Variants in CHCHD1 observed in about 807,000 individuals in gnomAD.
The protein encoded by CHCHD1 is small ribosomal subunit protein mS37.
In CHCHD1, 12 loss-of-function variants were observed where a neutral mutation model predicts 12.7. The ratio of observed to expected loss-of-function variants is 0.95; its 90% confidence interval spans 0.61 to 1.53. CHCHD1 has a LOEUF of 1.53. Among genes scored for constraint, CHCHD1 ranks in the 40% most tolerant of loss-of-function variants. The pLI, the probability that CHCHD1 is intolerant of heterozygous loss-of-function variation, is 0.00. For synonymous variants in CHCHD1, 57 were observed against 62.4 expected (o/e 0.91, Z 0.41); for missense variants, 151 against 155.8 (o/e 0.97, Z 0.17).
At chr10:73,782,660 C>T in intron 2 of CHCHD1, 1 of 1,191,468 alleles carries the variant, frequency 8.4e-7, no homozygotes, top group Non-Finnish European at 1.1e-6. Context: ...ATGAGGCTAA[C>T]CAATACCACC....
chr10:73,783,397 G>GTA lies in CHCHD1; in HGVS notation c.*211_*212dup, dbSNP rs2083112448. The GTA allele has an allele frequency of 2.0e-6, 1 of 508,894 alleles. No individual in the cohort carries two copies. The highest frequency in any genetic ancestry group is 1.9e-5 in the African/African-American group (1 of 51,728). The allele number at this position is 508,894 out of a possible 1,614,324, so 31.5% of individuals were successfully genotyped here. ...AACTTGGCCTTTTGTTGTGAATTAG[G>GTA]TACTCTCTTCATTCTTGAGCCTCCC... On this transcript the variant is annotated 3_prime_UTR_variant, in exon 3 of 3. Transcript: ENST00000372833.
Position 73,782,323 on chromosome 10 carries a change from A to G in CHCHD1, c.125A>G (p.Glu42Gly). 6.2e-7 allele frequency: 1 copy of G among 1,613,748 alleles called. No homozygotes were observed. The highest frequency in any genetic ancestry group is 8.5e-7 in the Non-Finnish European group (1 of 1,179,722). The stretch of plus-strand genomic sequence containing the variant: ...AGGTCCCCCGGATCTGCCCCTCCAG[A>G]GGCGACTTGCATCACGGAGATGTCG... ...RVGERRREKGEATCITEMSVM... is the reference protein window; with the variant it reads ...RVGERRREKGGATCITEMSVM... Residue 42 changes from glutamate (E) to glycine (G), a missense_variant and splice_region_variant, in exon 2 of 3, where the codon GAG becomes GGG. Glu to Gly is a moderately conservative substitution (Grantham distance 98). Coordinates refer to ENST00000372833, the MANE Select transcript of CHCHD1 (RefSeq NM_203298.3).
intron 2 of CHCHD1, chr10:73,782,831 G>T (rs771653324): frequency 3.4e-4 from 192 of 566,084 alleles, no homozygotes; most frequent in Non-Finnish European, 5.1e-4. Flanking sequence ...TTAATTGTTA[G>T]CTGAGATAGT....
rs1470619633 is a variant in CHCHD1, at chr10:73,782,461, G to T, written c.243+20G>T. 2 of 1,613,932 alleles carry T rather than the reference G, an allele frequency of 1.2e-6. No individual in the cohort carries two copies. The highest frequency in any genetic ancestry group is 1.7e-6 in the Non-Finnish European group (2 of 1,179,932). ...GCTCAGGTGACCGATGGCTCCTGGG[G>T]TGCTTTCTCAGGAAAAGAATGGGGG... On this transcript the variant is annotated intron_variant, in intron 2 of 2. Transcript: ENST00000372833.
chr10:73,783,208 T>G lies in CHCHD1; in HGVS notation c.*21T>G, dbSNP rs2083111672. 6.5e-7 allele frequency: 1 copy of G among 1,547,272 alleles called. No homozygotes were observed. The highest frequency in any genetic ancestry group is 1.7e-5 in the Admixed American group (1 of 59,682). On this transcript the variant is annotated 3_prime_UTR_variant, in exon 3 of 3. Coordinates refer to ENST00000372833, the MANE Select transcript of CHCHD1 (RefSeq NM_203298.3). ...GCTGAAAATGGACAAGTATTTTCAA[T>G]GACTGAAATATAGCTTCTGACAACT...
intron 2 of CHCHD1, 57 bp downstream of exon 2, chr10:73,782,498 A>G (rs756716418): frequency 2.5e-6 from 4 of 1,608,418 alleles, no homozygotes; most frequent in Admixed American, 3.4e-5. Context: ...GATAGAAGTA[A>G]TGATTCTCCC....
In CHCHD1 at chr10:73,783,090, G is replaced by A; in HGVS notation, c.260G>A (p.Arg87Lys). Residue 87 changes from arginine to lysine, a missense_variant, in exon 3 of 3, where the codon AGA becomes AAA. Coordinates refer to ENST00000372833, the MANE Select transcript of CHCHD1 (RefSeq NM_203298.3). ...AARAQEARKM[R>K]SIQETLGESG... ...TGTTTTCAGGAAGCCCGAAAGATGA[G>A]ATCAATACAGGAAACCCTGGGAGAG... The A allele has an allele frequency of 8.7e-6, 14 of 1,613,382 alleles. No homozygotes were observed. The highest frequency in any genetic ancestry group is 1.2e-5 in the Non-Finnish European group (14 of 1,179,702).
chr10:73,782,071 G>A lies in CHCHD1; in HGVS notation c.-5G>A. 6.2e-7 allele frequency: 1 copy of A among 1,612,858 alleles called. No individual in the cohort carries two copies. Among genetic ancestry groups the A allele is most frequent in the Non-Finnish European group, 8.5e-7 (1 of 1,179,826 alleles). On this transcript the variant is annotated 5_prime_UTR_variant, in exon 1 of 3. Coordinates refer to ENST00000372833, the MANE Select transcript of CHCHD1 (RefSeq NM_203298.3). ...CCGCAAAGCCTGCCGGGAGCTTGGT[G>A]CGCTATGGCGACACCCAGCCTGCGG...
In CHCHD1 at chr10:73,782,443, T is replaced by G; in HGVS notation, c.243+2T>G. 6.2e-7 allele frequency: 1 copy of G among 1,614,186 alleles called. No individual in the cohort carries two copies. The highest frequency in any genetic ancestry group is 8.5e-7 in the Non-Finnish European group (1 of 1,180,016). Reference sequence around the variant, plus strand: ...CTCGATTGTGCCGCGAGGGCTCAGGTGACCGATGGCTCCTGGGGTGCTTTC... The same window carrying G: ...CTCGATTGTGCCGCGAGGGCTCAGGGGACCGATGGCTCCTGGGGTGCTTTC... On this transcript the variant is annotated splice_donor_variant, in intron 2 of 2. Transcript: ENST00000372833. LOFTEE classifies it high-confidence loss of function.
chr10:73,783,098 C>T lies in CHCHD1; in HGVS notation c.268C>T (p.Gln90Ter). ...GGAAGCCCGAAAGATGAGATCAATA[C>T]AGGAAACCCTGGGAGAGTCTGGGAG... is the stretch of plus-strand genomic sequence containing the variant. ...AQEARKMRSI[Q>*]ETLGESGSLL... The change falls in exon 3 of 3, where the codon CAG becomes TAG. Residue 90 changes from glutamine (Q) to a stop codon, truncating the protein, a stop_gained. Transcript: ENST00000372833. LOFTEE classifies it high-confidence loss of function. The T allele has an allele frequency of 6.2e-7, 1 of 1,613,692 alleles. No homozygotes were observed. The highest frequency in any genetic ancestry group is 8.5e-7 in the Non-Finnish European group (1 of 1,179,860).
chr10:73,782,493 A>G, intron 2 of CHCHD1, 52 bp downstream of exon 2: 1 of 1,610,062 alleles, frequency 6.2e-7, no homozygotes, highest in Non-Finnish European at 8.5e-7. Context: ...GGGGAGATAG[A>G]AGTAATGATT....
intron 2 of CHCHD1, 24 bp from the exon 3 acceptor site, chr10:73,783,047 ATTC>A: frequency 6.5e-7 from 1 of 1,547,850 alleles, no homozygotes; most frequent in Non-Finnish European, 8.9e-7. Context: ...TAGAGCTGTC[ATTC>A]TTGTATTTGT....
At position 73,782,393 on chromosome 10, in the gene CHCHD1, G is replaced by T. The variant is rs1447578111; in HGVS notation, c.195G>T (p.Ala65=). The change falls in exon 2 of 3, where the codon GCG becomes GCT. Residue 65 remains alanine (A), a synonymous_variant. Transcript: ENST00000372833. The stretch of plus-strand genomic sequence containing the variant: ...AGCAGAATGAATTCCGCGACGATGC[G>T]TGCAGAAAAGAGATCCAGGGCTTCC... ...CWKQNEFRDD[A]CRKEIQGFLD... 3 of 1,614,118 alleles carry T rather than the reference G, an allele frequency of 1.9e-6. No homozygotes were observed. In the Admixed American group the frequency reaches 5.0e-5, roughly 27 times the overall value.
chr10:73,783,035 T>C (rs375494725), intron 2 of CHCHD1, 39 bp from the exon 3 acceptor site: 1 of 1,500,930 alleles, frequency 6.7e-7, no homozygotes, highest in Non-Finnish European at 9.3e-7. Context: ...CTAGACAAAC[T>C]GTAGAGCTGT....
intron 2 of CHCHD1, 150 bp downstream of exon 2, chr10:73,782,591 G>A: frequency 6.8e-7 from 1 of 1,467,224 alleles, no homozygotes; most frequent in Non-Finnish European, 9.0e-7. Context: ...AGTTTTGAAG[G>A]CTGTGTGATC....
At position 73,782,100 on chromosome 10, in the gene CHCHD1, C is replaced by A; in HGVS notation, c.25C>A (p.Arg9Ser). The A allele has an allele frequency of 6.2e-7, 1 of 1,613,226 alleles. No individual in the cohort carries two copies. Among genetic ancestry groups the A allele is most frequent in the Non-Finnish European group, 8.5e-7 (1 of 1,179,926 alleles). ...TATGGCGACACCCAGCCTGCGGGGTCGTCTGGCGCGGTTTGGGAACCCGCG... is the reference window on the plus strand; with the variant it reads ...TATGGCGACACCCAGCCTGCGGGGTAGTCTGGCGCGGTTTGGGAACCCGCG... MATPSLRG[R>S]LARFGNPRKP... Residue 9 changes from arginine to serine, a missense_variant, in exon 1 of 3, where the codon CGT becomes AGT. Transcript: ENST00000372833.
Position 73,783,099 on chromosome 10 carries a change from A to AG in CHCHD1, c.271dup (p.Glu91GlyfsTer13), listed in dbSNP as rs1565060794. ...GAAGCCCGAAAGATGAGATCAATAC[A>AG]GGAAACCCTGGGAGAGTCTGGGAGT... On this transcript the variant is annotated frameshift_variant, in exon 3 of 3. Transcript: ENST00000372833. LOFTEE classifies it high-confidence loss of function. The AG allele has an allele frequency of 6.2e-7, 1 of 1,613,818 alleles. No homozygotes were observed. Among genetic ancestry groups the AG allele is most frequent in the Non-Finnish European group, 8.5e-7 (1 of 1,179,908 alleles).
In CHCHD1 at chr10:73,782,308, G is replaced by T; in HGVS notation, c.125-15G>T. On this transcript the variant is annotated splice_polypyrimidine_tract_variant and intron_variant, in intron 1 of 2. Transcript: ENST00000372833. ...TCTTCTTGTGACTGAAGGTCCCCCG[G>T]ATCTGCCCCTCCAGAGGCGACTTGC... 1.2e-6 allele frequency: 2 copies of T among 1,612,326 alleles called. No homozygotes were observed. Among genetic ancestry groups the T allele is most frequent in the Non-Finnish European group, 1.7e-6 (2 of 1,178,672 alleles).
At chr10:73,783,042 C>A (rs767592041) in intron 2 of CHCHD1, 32 bp from the exon 3 acceptor site, 2 of 1,515,152 alleles carry the variant, frequency 1.3e-6, no homozygotes, top group Admixed American at 3.3e-5. Flanking sequence ...AACTGTAGAG[C>A]TGTCATTCTT....
Sources: gnomAD v4.1 joint callset for allele counts on GRCh38, gnomAD v4.1.1 for gene constraint, MANE v1.5 for transcripts, NCBI Gene and HGNC (gene_info 2026-07-23, HGNC 2026-07-21) for gene names.